The following FANCL variants were observed in gnomAD, a reference collection of about 807,000 sequenced individuals.
The protein encoded by FANCL is FA complementation group L.
In FANCL, 69 loss-of-function variants were observed where a neutral mutation model predicts 59.4. The ratio of observed to expected loss-of-function variants is 1.16; its 90% CI spans 0.96 to 1.42. FANCL has a LOEUF of 1.42. Ranked by LOEUF, FANCL falls within the 40% of genes most tolerant of loss-of-function variation. FANCL has a pLI of 0.00. For synonymous variants in FANCL, 180 were observed against 147.1 expected (o/e 1.22, Z -1.62); for missense variants, 519 against 447.2 (o/e 1.16, Z -1.45).
chr2:58,225,598 T>C (rs1284813381), intron 4 of FANCL, among the ~76,000 whole-genome samples: 4 of 151,976 alleles, frequency 2.6e-5, no homozygotes, highest in Non-Finnish European at 4.4e-5. Flanking sequence ...AACCATCAGA[T>C]ACCACGTGGA....
intron 1 of FANCL, among the ~76,000 whole-genome samples, chr2:58,236,554 G>A (rs946185913): frequency 6.7e-5 from 10 of 149,234 alleles, no homozygotes; most frequent in African/African-American, 2.5e-4. Flanking sequence ...ATAAAATACA[G>A]AAAAATACCA....
chr2:58,198,945 C>T (rs1008732075), intron 6 of FANCL, among the ~76,000 whole-genome samples: 1 of 149,472 alleles, frequency 6.7e-6, no homozygotes, highest in African/African-American at 2.5e-5. Context: ...AGGAGAATGG[C>T]GTGAACCTGG....
At chr2:58,224,493 T>C (rs1406363816) in intron 4 of FANCL, among the ~76,000 whole-genome samples, 1 of 151,852 alleles carries the variant, frequency 6.6e-6, no homozygotes, top group Non-Finnish European at 1.5e-5. Context: ...TAAACTATTA[T>C]TCTAATCTCA....
intron 4 of FANCL, among the ~76,000 whole-genome samples, chr2:58,222,630 T>C (rs2103766063): frequency 6.6e-6 from 1 of 152,178 alleles, no homozygotes; most frequent in Admixed American, 6.5e-5. Context: ...GCTAGGCCTA[T>C]CTATGAAGGC....
rs1694371250 is a variant in FANCL, at chr2:58,240,057, TATAGAC to T, written c.96+1155_96+1160del. On this transcript the variant is annotated intron_variant, in intron 1 of 13. Transcript: ENST00000233741. ...TTGTTTCCTAAAAGGCCTTAGCAGATATAGACATACATAACAGTATTTTGCCTAAAA... is the reference window on the plus strand; with the variant it reads ...TTGTTTCCTAAAAGGCCTTAGCAGATATACATAACAGTATTTTGCCTAAAA... Among the ~76,000 whole-genome samples, 3 of 149,414 alleles carry T rather than the reference TATAGAC, an allele frequency of 2.0e-5. No homozygotes were observed. The South Asian group carries it at 6.3e-4, about 31-fold the overall frequency.
At chr2:58,181,934 A>T (rs848281) in intron 7 of FANCL, among the ~76,000 whole-genome samples, 108,710 of 151,398 alleles carry the variant, frequency 0.72, 40,142 homozygotes, top group African/African-American at 0.9. Flanking sequence ...CTTTTAAAAT[A>T]AATCTTCAAA....
intron 7 of FANCL, among the ~76,000 whole-genome samples, chr2:58,168,536 T>C (rs567742411): frequency 6.6e-6 from 1 of 152,046 alleles, no homozygotes; most frequent in South Asian, 2.1e-4. Flanking sequence ...GGGCAGACAT[T>C]GAGCTAGCTA....
chr2:58,217,613 A>C (rs983148549), intron 5 of FANCL, among the ~76,000 whole-genome samples: 1 of 152,162 alleles, frequency 6.6e-6, no homozygotes, highest in African/African-American at 2.4e-5. Flanking sequence ...ACATGTCCTA[A>C]TAACAAAAGG....
At chr2:58,181,126 G>T (rs1280235373) in intron 7 of FANCL, among the ~76,000 whole-genome samples, 2 of 152,000 alleles carry the variant, frequency 1.3e-5, no homozygotes, top group Non-Finnish European at 2.9e-5. Flanking sequence ...ACATTCATAA[G>T]CACCAAAAAC....
chr2:58,175,735 C>A (rs1687231008), intron 7 of FANCL, among the ~76,000 whole-genome samples: 1 of 152,112 alleles, frequency 6.6e-6, no homozygotes, highest in South Asian at 2.1e-4. Flanking sequence ...GACAGGGATG[C>A]CCTCTCTCAC....
At chr2:58,240,914 G>A (rs1381647941) in intron 1 of FANCL, among the ~76,000 whole-genome samples, 2 of 152,184 alleles carry the variant, frequency 1.3e-5, no homozygotes, top group Admixed American at 6.5e-5. Context: ...TTAAAAAACA[G>A]TCAATTGCGG....
chr2:58,206,874 T>C (rs1690638770), intron 5 of FANCL, among the ~76,000 whole-genome samples: 2 of 152,086 alleles, frequency 1.3e-5, no homozygotes, highest in Non-Finnish European at 2.9e-5. Context: ...GGTCACTTTG[T>C]TTGGGGCACA....
intron 6 of FANCL, among the ~76,000 whole-genome samples, chr2:58,202,526 T>G (rs1558788442): frequency 6.6e-6 from 1 of 151,848 alleles, no homozygotes; most frequent in Admixed American, 6.6e-5. Context: ...AACAGTTTTT[T>G]TTTTCTTTTT....
At chr2:58,201,831 G>A (rs528455623) in intron 6 of FANCL, among the ~76,000 whole-genome samples, 33 of 151,956 alleles carry the variant, frequency 2.2e-4, no homozygotes, top group Non-Finnish European at 3.5e-4. Flanking sequence ...GTGAGGGGAA[G>A]TGGTAGAATT....
At position 58,220,911 on chromosome 2, in the gene FANCL, G is replaced by A. The variant is rs1002074726; in HGVS notation, c.374+1031C>T. Among the ~76,000 whole-genome samples the A allele has an allele frequency of 3.3e-5, 5 of 152,188 alleles. No individual in the cohort carries two copies. In the East Asian group the frequency reaches 5.8e-4, roughly 18 times the overall value. Reference sequence around the variant, plus strand: ...TGAATACTAAAATACTATTGATAACGGTTAAGAAGTGATAAGAATTGCCGG... The same window carrying A: ...TGAATACTAAAATACTATTGATAACAGTTAAGAAGTGATAAGAATTGCCGG... On this transcript the variant is annotated intron_variant, in intron 5 of 13. Transcript: ENST00000233741.
At chr2:58,217,215 TACACACAC>T (rs368257506) in intron 5 of FANCL, among the ~76,000 whole-genome samples, 2,154 of 20,080 alleles carry the variant, frequency 0.11, 186 homozygotes, top group Middle Eastern at 0.17. Flanking sequence ...TATATATATA[TACACACAC>T]ACACACACAC....
intron 5 of FANCL, among the ~76,000 whole-genome samples, chr2:58,220,741 T>C (rs748025131): frequency 1.3e-5 from 2 of 152,074 alleles, no homozygotes; most frequent in African/African-American, 4.8e-5. Context: ...TCATAGAAAA[T>C]AGCTAAAAAA....
intron 7 of FANCL, among the ~76,000 whole-genome samples, chr2:58,192,845 T>A (rs571908691): frequency 3.3e-5 from 5 of 152,078 alleles, no homozygotes; most frequent in African/African-American, 1.2e-4. Context: ...ATGCTGTTTT[T>A]TCTAAAAAGA....
At chr2:58,178,140 C>T (rs756102200) in intron 7 of FANCL, among the ~76,000 whole-genome samples, 1 of 152,168 alleles carries the variant, frequency 6.6e-6, no homozygotes, top group African/African-American at 2.4e-5. Context: ...CACAGATTCA[C>T]AGCCAAATTC....
Sources: gnomAD v4.1 joint callset for allele counts (sites outside exome capture counted in the v4.1 genomes callset) on GRCh38, gnomAD v4.1.1 for gene constraint, MANE v1.5 for transcripts, NCBI Gene and HGNC (gene_info 2026-07-23, HGNC 2026-07-21) for gene names.